Variants in CFAP74 observed in about 807,000 individuals in gnomAD.
CFAP74 encodes cilia and flagella associated protein 74, also known as cilia- and flagella-associated protein 74.
A neutral mutation model predicts 188.9 loss-of-function variants in CFAP74; 124 were observed. The ratio of observed to expected loss-of-function variants is 0.66; its 90% confidence interval spans 0.57 to 0.76. CFAP74 has a LOEUF of 0.76. Among genes scored for constraint, CFAP74 ranks in the 30% least tolerant of loss-of-function variants. CFAP74 has a pLI of 0.00. For missense variants in CFAP74, 2,198 were observed against 2,165.2 expected (o/e 1.02, Z -0.30); for synonymous variants, 956 against 916.7 (o/e 1.04, Z -0.77).
intron 9 of CFAP74, among the ~76,000 whole-genome samples, chr1:1,971,401 TCACACATGCACACATGCACA>T (rs1656060648): frequency 6.7e-6 from 1 of 148,794 alleles, no homozygotes; most frequent in African/African-American, 2.5e-5. Context: ...GCACACACGG[TCACACATGCACACATGCACA>T]CACACATGCA....
chr1:1,962,238 C>T (rs1172181800), intron 14 of CFAP74, among the ~76,000 whole-genome samples: 8 of 151,794 alleles, frequency 5.3e-5, no homozygotes, highest in African/African-American at 7.2e-5. Context: ...TTTGGGAGGC[C>T]GAGGTGGGCC....
At chr1:1,969,362 C>A (rs1207856559) in intron 10 of CFAP74, among the ~76,000 whole-genome samples, 10 of 143,706 alleles carry the variant, frequency 7.0e-5, no homozygotes, top group Admixed American at 6.2e-4. Context: ...CCAGCCCAGA[C>A]CTTCCCAGTC....
At chr1:1,931,072 T>C (rs1652328320) in intron 25 of CFAP74, among the ~76,000 whole-genome samples, 1 of 152,220 alleles carries the variant, frequency 6.6e-6, no homozygotes, top group African/African-American at 2.4e-5. Flanking sequence ...TGTTCATTCA[T>C]ATGTTGTAAT....
intron 14 of CFAP74, among the ~76,000 whole-genome samples, chr1:1,962,910 A>G (rs559746789): frequency 2.4e-4 from 37 of 152,290 alleles, no homozygotes; most frequent in African/African-American, 8.2e-4. Flanking sequence ...AGAAAAGGAA[A>G]GCAGAAAGCA....
At chr1:1,954,855 C>T in intron 18 of CFAP74, 1 of 1,152,184 alleles carries the variant, frequency 8.7e-7, no homozygotes, top group Non-Finnish European at 1.1e-6. Flanking sequence ...GCATGAGCCC[C>T]AGCCAGGTGC....
Position 1,926,442 on chromosome 1 carries a change from G to A in CFAP74, c.3828+15C>T. Reference sequence around the variant, plus strand: ...CCCACCCCGCAGGCCGCCTGAGCTGGGTGGACAAGGACACGGCCAGATCCT... The same window carrying A: ...CCCACCCCGCAGGCCGCCTGAGCTGAGTGGACAAGGACACGGCCAGATCCT... On this transcript the variant is annotated intron_variant, in intron 31 of 38. Coordinates refer to ENST00000682832, the MANE Select transcript of CFAP74 (RefSeq NM_001304360.2). 6.5e-7 allele frequency: 1 copy of A among 1,550,284 alleles called. No individual in the cohort carries two copies. Among genetic ancestry groups the A allele is most frequent in the Non-Finnish European group, 8.7e-7 (1 of 1,146,906 alleles).
At chr1:1,933,238 C>G (rs1436418195) in intron 25 of CFAP74, among the ~76,000 whole-genome samples, 2 of 142,826 alleles carry the variant, frequency 1.4e-5, no homozygotes. Context: ...AGGCTTAGTG[C>G]AGTGGTGCAA....
intron 4 of CFAP74, chr1:1,987,864 G>A (rs1657339969): frequency 5.9e-6 from 2 of 339,866 alleles, no homozygotes; most frequent in Non-Finnish European, 1.2e-5. Flanking sequence ...GAAAACACAC[G>A]GGCGCTGCCG....
At chr1:1,944,060 C>T (rs1017525695) in intron 21 of CFAP74, among the ~76,000 whole-genome samples, 3 of 152,214 alleles carry the variant, frequency 2.0e-5, no homozygotes, top group African/African-American at 7.2e-5. Context: ...CACCAAGGTC[C>T]CTCTCCCCAA....
intron 15 of CFAP74, 132 bp downstream of exon 15, chr1:1,959,832 A>AG: frequency 2.8e-6 from 2 of 704,106 alleles, no homozygotes; most frequent in Non-Finnish European, 4.6e-6. Flanking sequence ...ATAGCAAAAC[A>AG]GGGGCCTGCG....
chr1:1,959,235 CAA>C (rs1654888475), intron 15 of CFAP74, 26 bp from the exon 16 acceptor site: 7 of 1,439,566 alleles, frequency 4.9e-6, no homozygotes, highest in Non-Finnish European at 5.8e-6. Context: ...ACCCCCACCA[CAA>C]TACACTTCTG....
At chr1:1,960,113 T>TGGGCCTCC (rs780781853) in intron 14 of CFAP74, 83 bp from the exon 15 acceptor site, 32 of 1,213,582 alleles carry the variant, frequency 2.6e-5, no homozygotes, top group Non-Finnish European at 3.6e-5. Context: ...ACAGTCAGGC[T>TGGGCCTCC]GGGCCTCCTG....
chr1:1,927,904 GC>G, intron 27 of CFAP74, 158 bp from the exon 28 acceptor site: 1 of 744,618 alleles, frequency 1.3e-6, no homozygotes, highest in Non-Finnish European at 2.1e-6. Context: ...GAAGACAGTA[GC>G]CAGTGCGGAG....
Position 1,927,701 on chromosome 1 carries a change from A to C in CFAP74, c.3433T>G (p.Ser1145Ala). The change falls in exon 28 of 39, where the codon TCA becomes GCA. Residue 1145 changes from serine (S) to alanine (A), a missense_variant. Transcript: ENST00000682832. ...TTCTGTGCTCGAAGAACGGAGAATG[A>C]CAGTCCATGCAGGTCCTTCCTCTGG... ...APQRKDLHGLSFSVLRAQNRD... is the reference protein window; with the variant it reads ...APQRKDLHGLAFSVLRAQNRD... 1 of 1,550,166 alleles carries C rather than the reference A, an allele frequency of 6.5e-7. No individual in the cohort carries two copies. The highest frequency in any genetic ancestry group is 8.7e-7 in the Non-Finnish European group (1 of 1,146,834).
At position 1,922,207 on chromosome 1, in the gene CFAP74, A is replaced by G; in HGVS notation, c.*80T>C. 1 of 1,051,598 alleles carries G rather than the reference A, an allele frequency of 9.5e-7. No homozygotes were observed. Among genetic ancestry groups the G allele is most frequent in the Non-Finnish European group, 1.4e-6 (1 of 694,816 alleles). The allele number at this position is 1,051,598 out of a possible 1,614,324, so 65.1% of individuals were successfully genotyped here. On this transcript the variant is annotated 3_prime_UTR_variant, in exon 39 of 39. Transcript: ENST00000682832. Reference sequence around the variant, plus strand: ...AGAGGATGGCCAGGTCCCAGGCTCTAGGGTAGTATGACCTGGCCCTCAGCC... The same window carrying G: ...AGAGGATGGCCAGGTCCCAGGCTCTGGGGTAGTATGACCTGGCCCTCAGCC...
At chr1:1,978,048 C>T (rs28377688) in intron 6 of CFAP74, among the ~76,000 whole-genome samples, 372 of 152,312 alleles carry the variant, frequency 2.4e-3, no homozygotes, top group Non-Finnish European at 3.8e-3. Context: ...GGGGTTTCAC[C>T]ATGTTCCCAG....
intron 1 of CFAP74, among the ~76,000 whole-genome samples, chr1:1,993,088 C>G (rs1657686245): frequency 6.7e-6 from 1 of 150,224 alleles, no homozygotes; most frequent in East Asian, 2.1e-4. Flanking sequence ...GTAGTCCCAG[C>G]TACTTGGGAG....
At chr1:1,990,169 A>G (rs1250647416) in intron 2 of CFAP74, among the ~76,000 whole-genome samples, 2 of 152,250 alleles carry the variant, frequency 1.3e-5, no homozygotes, top group African/African-American at 4.8e-5. Flanking sequence ...TACAGGCAAC[A>G]TAAACAAATG....
intron 1 of CFAP74, among the ~76,000 whole-genome samples, chr1:1,992,884 A>T (rs1204838354): frequency 6.6e-6 from 1 of 151,994 alleles, no homozygotes; most frequent in Non-Finnish European, 1.5e-5. Context: ...TTCTGTGTCC[A>T]GATGTTGGAA....
Sources: gnomAD v4.1 joint callset for allele counts (sites outside exome capture counted in the v4.1 genomes callset) on GRCh38, gnomAD v4.1.1 for gene constraint, MANE v1.5 for transcripts, NCBI Gene and HGNC (gene_info 2026-07-23, HGNC 2026-07-21) for gene names.